The following CNOT7 variants were observed in gnomAD, a reference collection of about 807,000 sequenced individuals.
The protein encoded by CNOT7 is CCR4-NOT transcription complex subunit 7.
In CNOT7, 4 loss-of-function variants were observed where a neutral mutation model predicts 37.1. The observed-to-expected ratio is 0.11, with a 90% CI of 0.05 to 0.25. The LOEUF is 0.25. Among genes scored for constraint, CNOT7 ranks in the 10% least tolerant of loss-of-function variants. The pLI is 1.00. For missense variants in CNOT7, 170 were observed against 336.2 expected (o/e 0.51, Z 3.87); for synonymous variants, 128 against 115.6 (o/e 1.11, Z -0.69).
Position 17,244,798 on chromosome 8 carries a change from G to A in CNOT7, c.117+238C>T, listed in dbSNP as rs577721511. 18 of 405,364 alleles carry A rather than the reference G, an allele frequency of 4.4e-5. No individual in the cohort carries two copies. In the East Asian group the frequency reaches 6.9e-4, roughly 16 times the overall value. 25.1% of individuals were successfully genotyped at this position (405,364 alleles called of 1,614,324 possible). A position where few individuals can be genotyped will look rare whatever the true frequency, so the allele number is the denominator to read the frequency against. The stretch of plus-strand genomic sequence containing the variant: ...AATCCTTCCTAACTCTTATTCAAAC[G>A]GCCCATGGTTCCCATGAATTCCAGT... On this transcript the variant is annotated intron_variant, in intron 2 of 6. Transcript: ENST00000361272.
intron 4 of CNOT7, among the ~76,000 whole-genome samples, chr8:17,236,096 A>C (rs1234335659): frequency 6.6e-6 from 1 of 152,256 alleles, no homozygotes; most frequent in Non-Finnish European, 1.5e-5. Flanking sequence ...GTACAAGTTC[A>C]AGTGCAGAAG....
chr8:17,232,296 T>C, intron 6 of CNOT7, 131 bp downstream of exon 6: 1 of 1,535,674 alleles, frequency 6.5e-7, no homozygotes, highest in Middle Eastern at 1.9e-4. Context: ...GTGTGGTGGA[T>C]GTGACTCATA....
rs1293091960 is a variant in CNOT7, at chr8:17,229,036, G to A, written c.*1684C>T. The stretch of plus-strand genomic sequence containing the variant: ...GAAGTCAGTCCTTAATTAGCTAGTT[G>A]AGGTACTCATAAAGAACAAGAATAA... On this transcript the variant is annotated 3_prime_UTR_variant, in exon 7 of 7. Coordinates refer to ENST00000361272, the MANE Select transcript of CNOT7 (RefSeq NM_013354.7). 2 of 151,904 alleles carry A rather than the reference G, an allele frequency of 1.3e-5. No individual in the cohort carries two copies. The highest frequency in any genetic ancestry group is 2.9e-5 in the Non-Finnish European group (2 of 67,854). 9.4% of individuals were successfully genotyped at this position (151,904 alleles called of 1,614,324 possible).
chr8:17,246,272 G>A (rs1287000040), intron 1 of CNOT7: 1 of 152,276 alleles, frequency 6.6e-6, no homozygotes, highest in Middle Eastern at 3.2e-3. Context: ...AGAGAAACGA[G>A]AGGACGGCAC....
intron 4 of CNOT7, among the ~76,000 whole-genome samples, chr8:17,235,193 C>T (rs1019637960): frequency 3.3e-5 from 5 of 151,976 alleles, no homozygotes; most frequent in African/African-American, 9.7e-5. Context: ...ACAGATGTCT[C>T]AAAATATTTT....
intron 2 of CNOT7, chr8:17,244,256 C>A (rs1373921498): frequency 6.6e-6 from 1 of 152,600 alleles, no homozygotes; most frequent in Non-Finnish European, 1.5e-5. Flanking sequence ...TCTAGGCAGA[C>A]CAAACAGCAC....
At position 17,246,633 on chromosome 8, in the gene CNOT7, C is replaced by G. The variant is rs113175413; in HGVS notation, c.-96+42G>C. 1,890 of 157,830 alleles carry G rather than the reference C, an allele frequency of 0.012. 19 individuals are homozygous for G. Among genetic ancestry groups the G allele is most frequent in the Non-Finnish European group, 0.021 (1,475 of 70,854 alleles). The allele number at this position is 157,830 out of a possible 1,614,324, so 9.8% of individuals were successfully genotyped here. On this transcript the variant is annotated intron_variant, in intron 1 of 6. Coordinates refer to ENST00000361272, the MANE Select transcript of CNOT7 (RefSeq NM_013354.7). Reference sequence around the variant, plus strand: ...CCCGCCCCCTTTCTACTTCCCTAACCCGCCCCTCCCCCCGTAAGGCTGCAG... The same window carrying G: ...CCCGCCCCCTTTCTACTTCCCTAACGCGCCCCTCCCCCCGTAAGGCTGCAG...
intron 6 of CNOT7, chr8:17,231,745 G>T: frequency 2.0e-6 from 2 of 985,384 alleles, no homozygotes; most frequent in Non-Finnish European, 1.2e-6. Context: ...CTTAGGAGTA[G>T]ATAATGGGTT....
intron 5 of CNOT7, among the ~76,000 whole-genome samples, chr8:17,233,600 TAAA>T (rs1004608750): frequency 6.6e-6 from 1 of 151,138 alleles, no homozygotes; most frequent in Admixed American, 6.6e-5. Context: ...ACATGTCAAT[TAAA>T]AAAAAAGTCA....
At chr8:17,243,717 C>A in intron 2 of CNOT7, 1 of 452,336 alleles carries the variant, frequency 2.2e-6, no homozygotes, top group Non-Finnish European at 4.5e-6. Flanking sequence ...TTGCATGCCA[C>A]CTACTCACTC....
At chr8:17,231,033 A>G (rs190924492) in intron 6 of CNOT7, among the ~76,000 whole-genome samples, 185 bp from the exon 7 acceptor site, 1 of 152,238 alleles carries the variant, frequency 6.6e-6, no homozygotes, top group Non-Finnish European at 1.5e-5. Flanking sequence ...AAAAGTACAG[A>G]GCTCAGAAAC....
At chr8:17,230,944 T>G in intron 6 of CNOT7, 96 bp from the exon 7 acceptor site, 2 of 825,962 alleles carry the variant, frequency 2.4e-6, no homozygotes, top group Non-Finnish European at 3.8e-6. Flanking sequence ...GACTGTTCAC[T>G]GACAATAATG....
chr8:17,225,429 C>G lies in CNOT7; in HGVS notation c.*5291G>C, dbSNP rs1433680663. ...ATCTTTAAAAAGAAAATGAGTAATT[C>G]TGGAGAAATGTAGCTTGTTCATTCA... On this transcript the variant is annotated 3_prime_UTR_variant, in exon 7 of 7. Coordinates refer to ENST00000361272, the MANE Select transcript of CNOT7 (RefSeq NM_013354.7). The G allele has an allele frequency of 6.6e-6, 1 of 151,660 alleles. No homozygotes were observed. The allele number at this position is 151,660 out of a possible 1,614,324, so 9.4% of individuals were successfully genotyped here.
intron 3 of CNOT7, among the ~76,000 whole-genome samples, chr8:17,237,961 T>C (rs1809608058): frequency 6.6e-6 from 1 of 152,236 alleles, no homozygotes; most frequent in Non-Finnish European, 1.5e-5. Flanking sequence ...TGTACTGTAA[T>C]AGCAATAATT....
At chr8:17,245,950 T>G (rs1318446142) in intron 1 of CNOT7, 1 of 146,060 alleles carries the variant, frequency 6.8e-6, no homozygotes, top group Non-Finnish European at 1.5e-5. Context: ...TTCATACAAA[T>G]TGGAAAAAAA....
At position 17,228,747 on chromosome 8, in the gene CNOT7, TAATA is replaced by T. The variant is rs1585764726; in HGVS notation, c.*1969_*1972del. ...TTATGAGATTGAGCAACTATGTGGC[TAATA>T]AAAAGGCAATCTTTATCATTCCTAT... On this transcript the variant is annotated 3_prime_UTR_variant, in exon 7 of 7. Coordinates refer to ENST00000361272, the MANE Select transcript of CNOT7 (RefSeq NM_013354.7). 2 of 151,970 alleles carry T rather than the reference TAATA, an allele frequency of 1.3e-5. No homozygotes were observed. The highest frequency in any genetic ancestry group is 1.3e-4 in the Admixed American group (2 of 15,238). 9.4% of individuals were successfully genotyped at this position (151,970 alleles called of 1,614,324 possible). A position where few individuals can be genotyped will look rare whatever the true frequency, so the allele number is the denominator to read the frequency against.
At chr8:17,239,375 CTCTA>C (rs1161731704) in intron 3 of CNOT7, among the ~76,000 whole-genome samples, 2 of 151,950 alleles carry the variant, frequency 1.3e-5, no homozygotes, top group African/African-American at 2.4e-5. Flanking sequence ...TTATGGCACT[CTCTA>C]TCTCCTTCTT....
Position 17,237,236 on chromosome 8 carries a change from C to T in CNOT7, c.449G>A (p.Gly150Glu), listed in dbSNP as rs1471513111. The T allele has an allele frequency of 6.2e-7, 1 of 1,614,022 alleles. No homozygotes were observed. The highest frequency in any genetic ancestry group is 8.5e-7 in the Non-Finnish European group (1 of 1,179,982). ...CCTATGAAATGACAACCATTTGACC[C>T]CTTCACAGAGGACCACTCCAGAAGT... ...LMTSGVVLCEGVKWLSFHSGY... is the reference protein window; with the variant it reads ...LMTSGVVLCEEVKWLSFHSGY... The change falls in exon 4 of 7, where the codon GGG becomes GAG. Residue 150 changes from glycine to glutamate, a missense_variant. Physicochemically the swap from Gly to Glu is moderately conservative, Grantham distance 98. Transcript: ENST00000361272.
chr8:17,232,051 G>C, intron 6 of CNOT7: 1 of 1,039,814 alleles, frequency 9.6e-7, no homozygotes, highest in Non-Finnish European at 1.2e-6. Context: ...AAGATTCCTT[G>C]CCTTGTAGGA....
Sources: allele counts gnomAD v4.1 joint callset (sites outside exome capture counted in the v4.1 genomes callset), GRCh38; gene constraint gnomAD v4.1.1; transcripts MANE v1.5; gene names NCBI Gene and HGNC (gene_info 2026-07-23, HGNC 2026-07-21).